PACSIN2: variants seen among roughly 807,000 people sequenced by gnomAD.
PACSIN2 encodes protein kinase C and casein kinase substrate in neurons 2, also known as protein kinase C and casein kinase substrate in neurons protein 2.
Under a neutral mutation model 63.8 loss-of-function variants are expected in PACSIN2, and 25 were observed. The ratio of observed to expected loss-of-function variants is 0.39; its 90% confidence interval spans 0.29 to 0.55. The LOEUF is 0.55. Among genes scored for constraint, PACSIN2 ranks in the 20% least tolerant of loss-of-function variants. The pLI is 0.62. For missense variants in PACSIN2, 518 were observed against 646.9 expected (o/e 0.80, Z 2.16); for synonymous variants, 255 against 256.2 (o/e 1.00, Z 0.05).
chr22:42,933,742 C>T (rs1932831265), intron 1 of PACSIN2, among the ~76,000 whole-genome samples: 1 of 152,232 alleles, frequency 6.6e-6, no homozygotes, highest in South Asian at 2.1e-4. Context: ...CCAGCATCTG[C>T]AAGTGGCAGA....
At chr22:43,010,408 A>ATAT (rs1555950833) in intron 1 of PACSIN2, among the ~76,000 whole-genome samples, 1 of 120,544 alleles carries the variant, frequency 8.3e-6, no homozygotes, top group Non-Finnish European at 1.6e-5. Flanking sequence ...ATTTTTTTTT[A>ATAT]ATTGAAAATA....
intron 3 of PACSIN2, among the ~76,000 whole-genome samples, chr22:42,891,439 T>C (rs1929907185): frequency 6.6e-6 from 1 of 152,234 alleles, no homozygotes; most frequent in Non-Finnish European, 1.5e-5. Flanking sequence ...TCGCTCTTAT[T>C]GTCCCGGCTG....
chr22:43,002,295 C>T (rs1250217810), intron 1 of PACSIN2: 1 of 152,152 alleles, frequency 6.6e-6, no homozygotes, highest in African/African-American at 2.4e-5. Context: ...TAGAGAAGGT[C>T]TGTGAGATAC....
intron 2 of PACSIN2, among the ~76,000 whole-genome samples, chr22:42,902,823 A>ACTAAAT (rs1430742049): frequency 1.3e-5 from 2 of 152,222 alleles, no homozygotes; most frequent in Non-Finnish European, 2.9e-5. Flanking sequence ...CATGTTGGCC[A>ACTAAAT]GGCTGGTCTT....
chr22:42,945,529 A>C (rs1601560097), intron 1 of PACSIN2, among the ~76,000 whole-genome samples: 1 of 150,946 alleles, frequency 6.6e-6, no homozygotes. Flanking sequence ...CTATGAGCCC[A>C]CTCCTGTTCC....
intron 1 of PACSIN2, among the ~76,000 whole-genome samples, chr22:42,981,024 C>A (rs1922069101): frequency 1.4e-5 from 2 of 144,776 alleles, no homozygotes; most frequent in Admixed American, 6.8e-5. Flanking sequence ...GCCGCCATCC[C>A]ATCTAGGAAG....
At chr22:42,956,872 A>G (rs1933937220) in intron 1 of PACSIN2, among the ~76,000 whole-genome samples, 2 of 152,226 alleles carry the variant, frequency 1.3e-5, no homozygotes, top group Non-Finnish European at 1.5e-5. Flanking sequence ...ATGTGGGCAG[A>G]AGCTAGAGGC....
intron 8 of PACSIN2, among the ~76,000 whole-genome samples, chr22:42,878,706 C>T (rs1035180090): frequency 2.6e-5 from 4 of 152,216 alleles, no homozygotes; most frequent in East Asian, 1.9e-4. Context: ...CACCAGTGTC[C>T]GGGCAGGGCG....
At chr22:42,942,629 T>TA (rs1933222297) in intron 1 of PACSIN2, among the ~76,000 whole-genome samples, 1 of 152,240 alleles carries the variant, frequency 6.6e-6, no homozygotes, top group Non-Finnish European at 1.5e-5. Flanking sequence ...TGCAAGCAGA[T>TA]ATCCAGTTGT....
At chr22:42,955,492 G>A (rs549426836) in intron 1 of PACSIN2, among the ~76,000 whole-genome samples, 19 of 151,870 alleles carry the variant, frequency 1.3e-4, no homozygotes, top group Non-Finnish European at 2.2e-4. Flanking sequence ...AAAAAAGGCT[G>A]TCAGGTGCTG....
At chr22:43,001,996 G>A (rs940868064) in intron 1 of PACSIN2, among the ~76,000 whole-genome samples, 1 of 152,188 alleles carries the variant, frequency 6.6e-6, no homozygotes, top group African/African-American at 2.4e-5. Flanking sequence ...GGACAGTGGA[G>A]GGTAGGAAAG....
At chr22:42,969,922 GAA>G (rs11336459) in intron 1 of PACSIN2, among the ~76,000 whole-genome samples, 9 of 148,048 alleles carry the variant, frequency 6.1e-5, no homozygotes, top group Admixed American at 2.7e-4. Flanking sequence ...AAAAGAAAAA[GAA>G]AAAAAAAAGA....
At chr22:42,901,618 G>T (rs1030919900) in intron 2 of PACSIN2, among the ~76,000 whole-genome samples, 10 of 152,196 alleles carry the variant, frequency 6.6e-5, no homozygotes, top group Non-Finnish European at 1.2e-4. Flanking sequence ...GATAGGAGGG[G>T]TTTACACTGC....
chr22:42,876,202 T>G lies in PACSIN2; in HGVS notation c.1283A>C (p.Glu428Ala), dbSNP rs781246635. 5 of 1,614,098 alleles carry G rather than the reference T, an allele frequency of 3.1e-6. No homozygotes were observed. Among genetic ancestry groups the G allele is most frequent in the Admixed American group, 3.3e-5 (2 of 60,006 alleles). ...PFDDDATSGT[E>A]VRVRALYDYE... ...GTCATACAGGGCCCGGACTCGCACT[T>G]CCGTCCCCGAGGTGGCGTCGTCGTC... Residue 428 changes from glutamate to alanine, a missense_variant, in exon 10 of 11, where the codon GAA (glutamate) becomes GCA (alanine). By Grantham distance (107) the Glu-to-Ala change is moderately radical. Transcript: ENST00000263246.
chr22:43,008,228 A>G (rs1333161528), intron 1 of PACSIN2, among the ~76,000 whole-genome samples: 2 of 152,150 alleles, frequency 1.3e-5, no homozygotes, highest in Admixed American at 1.3e-4. Context: ...GCCACCTAAC[A>G]TCTGTGAGGC....
intron 1 of PACSIN2, among the ~76,000 whole-genome samples, chr22:42,969,278 G>T (rs1445509475): frequency 6.6e-6 from 1 of 152,108 alleles, no homozygotes; most frequent in Non-Finnish European, 1.5e-5. Flanking sequence ...TTCAACAAAT[G>T]ATCATGACAT....
At chr22:42,914,339 T>G (rs1931668848) in intron 1 of PACSIN2, among the ~76,000 whole-genome samples, 1 of 152,164 alleles carries the variant, frequency 6.6e-6, no homozygotes, top group African/African-American at 2.4e-5. Flanking sequence ...TTCAAGCAAC[T>G]CTAGTGCCTC....
At chr22:42,996,531 CAAA>C (rs140591355) in intron 1 of PACSIN2, among the ~76,000 whole-genome samples, 91 of 106,304 alleles carry the variant, frequency 8.6e-4, no homozygotes, top group Admixed American at 1.5e-3. Flanking sequence ...GACTCTGCCG[CAAA>C]AAAAAAAAAA....
chr22:42,907,444 A>C (rs538917370), intron 2 of PACSIN2, among the ~76,000 whole-genome samples: 24 of 152,352 alleles, frequency 1.6e-4, no homozygotes, highest in African/African-American at 5.5e-4. Flanking sequence ...CTTTAGTGAA[A>C]CTAATGTGGG....
Sources: gnomAD v4.1 joint callset for allele counts (sites outside exome capture counted in the v4.1 genomes callset) on GRCh38, gnomAD v4.1.1 for gene constraint, MANE v1.5 for transcripts, NCBI Gene and HGNC (gene_info 2026-07-23, HGNC 2026-07-21) for gene names.